TXLNA: variants seen among roughly 807,000 people sequenced by gnomAD.
TXLNA encodes alpha-taxilin.
TXLNA carries 9 observed loss-of-function variants against 61.4 expected under a neutral mutation model. That is an observed-to-expected ratio of 0.15 (90% CI 0.09 to 0.26). The LOEUF (loss-of-function observed/expected upper bound fraction) is 0.26. TXLNA is among the 10% of genes least tolerant of loss of function. The pLI is 1.00. For synonymous variants in TXLNA, 257 were observed against 267.7 expected, an observed-to-expected ratio of 0.96 and a Z score of 0.39; for missense variants, 565 against 688.8, an observed-to-expected ratio of 0.82 and a Z score of 2.01.
At chr1:32,194,879 G>A (rs780365961) in intron 10 of TXLNA, 23 bp from the exon 11 acceptor site, 11 of 1,583,884 alleles carry the variant, frequency 6.9e-6, no homozygotes, top group Non-Finnish European at 9.4e-6. Flanking sequence ...GCACGGCACT[G>A]AAGGTCTCAT....
chr1:32,190,420 G>A (rs1215239035), intron 6 of TXLNA, among the ~76,000 whole-genome samples, 171 bp downstream of exon 6: 1 of 152,112 alleles, frequency 6.6e-6, no homozygotes, highest in East Asian at 1.9e-4. Context: ...CAGGTGTGGA[G>A]AAGAGACTCA....
intron 10 of TXLNA, among the ~76,000 whole-genome samples, chr1:32,194,669 G>A (rs775781232): frequency 6.6e-6 from 1 of 152,156 alleles, no homozygotes; most frequent in Non-Finnish European, 1.5e-5. Context: ...CCTTTGCCAA[G>A]GTCACGTGGT....
Position 32,195,294 on chromosome 1 carries a change from G to T in TXLNA, c.*99G>T. On this transcript the variant is annotated 3_prime_UTR_variant, in exon 11 of 11. Coordinates refer to ENST00000373610, the MANE Select transcript of TXLNA (RefSeq NM_175852.4). ...CTGAGCAGCCCATTGCTGAAGCCAG[G>T]ATGTTCTGACCTGGCTGGCATCTGG... 7.2e-7 allele frequency: 1 copy of T among 1,386,956 alleles called. No individual in the cohort carries two copies. Among genetic ancestry groups the T allele is most frequent in the Non-Finnish European group, 9.7e-7 (1 of 1,036,140 alleles). 85.9% of individuals were successfully genotyped at this position (1,386,956 alleles called of 1,614,324 possible).
chr1:32,181,496 A>G lies in TXLNA; in HGVS notation c.424A>G (p.Thr142Ala), dbSNP rs767932491. 2.5e-5 allele frequency: 41 copies of G among 1,609,502 alleles called. No individual in the cohort carries two copies. Among genetic ancestry groups the G allele is most frequent in the Non-Finnish European group, 1.4e-5 (17 of 1,177,926 alleles). The change falls in exon 3 of 11, where the codon ACA becomes GCA. Residue 142 changes from threonine to alanine, a missense_variant. By Grantham distance (58) the Thr-to-Ala change is moderately conservative. This residue lies in a region of TXLNA where 192 missense variants were observed against 184.8 expected (regional missense o/e 1.04). Transcript: ENST00000373610. Reference sequence around the variant, plus strand: ...GGAACCCTCCAAGGGGGATCCAAACACAGAAGAGATCCGGCAGAGTGACGA... The same window carrying G: ...GGAACCCTCCAAGGGGGATCCAAACGCAGAAGAGATCCGGCAGAGTGACGA... ...EKEPSKGDPN[T>A]EEIRQSDEVG...
chr1:32,192,631 G>C lies in TXLNA; in HGVS notation c.1084-26G>C, dbSNP rs1483216201. On this transcript the variant is annotated intron_variant, in intron 7 of 10. Coordinates refer to ENST00000373610, the MANE Select transcript of TXLNA (RefSeq NM_175852.4). The surrounding 1 kb of genome is among the most constrained non-coding windows in gnomAD (Gnocchi z 4.2). The stretch of plus-strand genomic sequence containing the variant: ...CATAGCCCCTGGGGGCTTCTGACAG[G>C]ATCTGGGGTTCTGTCTTGGAAATAG... The C allele has an allele frequency of 6.2e-7, 1 of 1,613,898 alleles. No homozygotes were observed. The highest frequency in any genetic ancestry group is 2.2e-5 in the East Asian group (1 of 44,886).
At chr1:32,184,458 T>C (rs1418025968) in intron 3 of TXLNA, 67 bp from the exon 4 acceptor site, 10 of 1,033,820 alleles carry the variant, frequency 9.7e-6, no homozygotes, top group Non-Finnish European at 1.5e-6. Flanking sequence ...CACTCATGAG[T>C]GTGAGCCCAG....
Position 32,194,967 on chromosome 1 carries a change from C to G in TXLNA, c.1413C>G (p.Cys471Trp). 1 of 1,614,156 alleles carries G rather than the reference C, an allele frequency of 6.2e-7. No individual in the cohort carries two copies. The highest frequency in any genetic ancestry group is 8.5e-7 in the Non-Finnish European group (1 of 1,180,020). ...QVKIQRLEKL[C>W]RALQTERNDL... ...AAATCCAACGGCTGGAGAAGCTGTG[C>G]CGGGCACTGCAGACAGAGCGCAATG... The change falls in exon 11 of 11, where the codon TGC becomes TGG. Residue 471 changes from cysteine to tryptophan, a missense_variant. This residue lies in a region of TXLNA where 373 missense variants were observed against 504.0 expected (regional missense o/e 0.74). Transcript: ENST00000373610.
chr1:32,180,780 C>T (rs1430726656), intron 2 of TXLNA, among the ~76,000 whole-genome samples: 1 of 152,220 alleles, frequency 6.6e-6, no homozygotes, highest in Non-Finnish European at 1.5e-5. Flanking sequence ...AAATCCAGGT[C>T]CCGTTAGAAA....
intron 3 of TXLNA, among the ~76,000 whole-genome samples, chr1:32,184,170 A>C (rs1469294954): frequency 6.6e-6 from 1 of 152,184 alleles, no homozygotes; most frequent in East Asian, 1.9e-4. Flanking sequence ...CCTTGCATTG[A>C]AACAGTATGA....
In TXLNA at chr1:32,194,956, G is replaced by A; in HGVS notation, c.1402G>A (p.Glu468Lys). 6.2e-7 allele frequency: 1 copy of A among 1,614,020 alleles called. No individual in the cohort carries two copies. Among genetic ancestry groups the A allele is most frequent in the Non-Finnish European group, 8.5e-7 (1 of 1,179,950 alleles). ...CCTGCAGGTAAAAATCCAACGGCTG[G>A]AGAAGCTGTGCCGGGCACTGCAGAC... is the stretch of plus-strand genomic sequence containing the variant. ...EGLQVKIQRL[E>K]KLCRALQTER... Residue 468 changes from glutamate to lysine, a missense_variant, in exon 11 of 11, where the codon GAG becomes AAG. By Grantham distance (56) the Glu-to-Lys change is moderately conservative. Transcript: ENST00000373610.
intron 3 of TXLNA, among the ~76,000 whole-genome samples, chr1:32,181,801 C>T (rs1171404619): frequency 1.3e-5 from 2 of 152,196 alleles, no homozygotes; most frequent in Non-Finnish European, 1.5e-5. Context: ...TGGAGCTTGG[C>T]ATGGGACCTG....
At chr1:32,187,851 G>T in intron 4 of TXLNA, 103 bp from the exon 5 acceptor site, 2 of 1,312,702 alleles carry the variant, frequency 1.5e-6, no homozygotes. Context: ...GCCTGAGAGG[G>T]TAAGGGTCAG....
At chr1:32,194,452 T>C (rs1171596848) in intron 10 of TXLNA, among the ~76,000 whole-genome samples, 4 of 152,144 alleles carry the variant, frequency 2.6e-5, no homozygotes, top group African/African-American at 9.7e-5. Flanking sequence ...CCAGGTAGTT[T>C]GTGATTTCAC....
chr1:32,186,553 G>A (rs565129222), intron 4 of TXLNA, among the ~76,000 whole-genome samples: 1 of 152,312 alleles, frequency 6.6e-6, no homozygotes, highest in Non-Finnish European at 1.5e-5. Flanking sequence ...TAGGGTTGCA[G>A]TACTACTGGG....
At position 32,196,735 on chromosome 1, in the gene TXLNA, C is replaced by G. The variant is rs1643034107; in HGVS notation, c.*1540C>G. The G allele has an allele frequency of 6.6e-6, 1 of 152,256 alleles. No homozygotes were observed. The highest frequency in any genetic ancestry group is 1.9e-4 in the East Asian group (1 of 5,198). The allele number at this position is 152,256 out of a possible 1,614,324, so 9.4% of individuals were successfully genotyped here. On this transcript the variant is annotated 3_prime_UTR_variant, in exon 11 of 11. Coordinates refer to ENST00000373610, the MANE Select transcript of TXLNA (RefSeq NM_175852.4). ...TTGCTGTTTTTCTTTGAAGCTAGTTCATTGTCCTGCAGGTCCCTTCATCTT... is the reference window on the plus strand; with the variant it reads ...TTGCTGTTTTTCTTTGAAGCTAGTTGATTGTCCTGCAGGTCCCTTCATCTT...
At chr1:32,182,358 G>T (rs1642683213) in intron 3 of TXLNA, among the ~76,000 whole-genome samples, 1 of 152,040 alleles carries the variant, frequency 6.6e-6, no homozygotes, top group East Asian at 1.9e-4. Flanking sequence ...TTACAGCAGG[G>T]TATGTATGTT....
rs1370260952 is a variant in TXLNA, at chr1:32,197,369, C to T, written c.*2174C>T. ...GTAGGAGGCCACAGTGAGCAGGTGG[C>T]CCCAGCTGGGTTTCCCAGGTCAGGA... On this transcript the variant is annotated 3_prime_UTR_variant, in exon 11 of 11. Coordinates refer to ENST00000373610, the MANE Select transcript of TXLNA (RefSeq NM_175852.4). This position sits in a 1 kb window ranked among gnomAD's most constrained non-coding sequence, Gnocchi z 4.6. 1.3e-5 allele frequency: 2 copies of T among 152,362 alleles called. No homozygotes were observed. Among genetic ancestry groups the T allele is most frequent in the African/African-American group, 4.8e-5 (2 of 41,470 alleles). 9.4% of individuals were successfully genotyped at this position (152,362 alleles called of 1,614,324 possible).
rs149178112 is a variant in TXLNA at position 32,197,891 on chromosome 1, CTG to C, written c.*2698_*2699del. 116 of 152,324 alleles carry C rather than the reference CTG, an allele frequency of 7.6e-4. No homozygotes were observed. Among genetic ancestry groups the C allele is most frequent in the African/African-American group, 2.6e-3 (108 of 41,560 alleles). The allele number at this position is 152,324 out of a possible 1,614,324, so 9.4% of individuals were successfully genotyped here. On this transcript the variant is annotated 3_prime_UTR_variant, in exon 11 of 11. Transcript: ENST00000373610. This position sits in a 1 kb window ranked among gnomAD's most constrained non-coding sequence, Gnocchi z 4.6. ...GAGCTCAGGCACTTTCTGTAGGAGA[CTG>C]TTATTTCTGTAAAGATGGTTATTTA...
At chr1:32,190,311 G>A (rs940116935) in intron 6 of TXLNA, 62 bp downstream of exon 6, 3 of 1,476,050 alleles carry the variant, frequency 2.0e-6, no homozygotes, top group Non-Finnish European at 2.8e-6. Context: ...TGTGTGCTAG[G>A]CACTGGGACA....
Sources: gnomAD v4.1 joint callset for allele counts (sites outside exome capture counted in the v4.1 genomes callset) on GRCh38, gnomAD v4.1.1 for gene constraint, gnomAD v4.1.1 regional missense constraint, Gnocchi (gnomAD v3.1) non-coding constraint, MANE v1.5 for transcripts, NCBI Gene and HGNC (gene_info 2026-07-23, HGNC 2026-07-21) for gene names.